CSMD1: variants seen among roughly 807,000 people sequenced by gnomAD.
CSMD1 encodes CUB and Sushi multiple domains 1, also known as CUB and sushi domain-containing protein 1.
In CSMD1, 213 loss-of-function variants were observed where a neutral mutation model predicts 417.5. That is an observed-to-expected ratio of 0.51 (90% CI 0.46 to 0.57). The LOEUF is 0.57. Ranked by LOEUF, CSMD1 falls within the 20% of genes least tolerant of loss-of-function variation. The pLI, the probability that CSMD1 is intolerant of heterozygous loss-of-function variation, is 0.00. For synonymous variants in CSMD1, 2,862 were observed against 1,736.8 expected, an observed-to-expected ratio of 1.65 and a Z score of -16.11; for missense variants, 6,923 against 4,529.7, an observed-to-expected ratio of 1.53 and a Z score of -15.17.
At chr8:4,271,200 A>C (rs1563366620) in intron 3 of CSMD1, among the ~76,000 whole-genome samples, 1 of 152,104 alleles carries the variant, frequency 6.6e-6, no homozygotes, top group Non-Finnish European at 1.5e-5. Flanking sequence ...ATAGATGTAA[A>C]CATATATATA....
chr8:4,834,619 G>T (rs1800348945), intron 1 of CSMD1, among the ~76,000 whole-genome samples: 1 of 151,996 alleles, frequency 6.6e-6, no homozygotes, highest in African/African-American at 2.4e-5. Context: ...GATAAAGAAT[G>T]GCAGAGGAAG....
chr8:3,537,967 G>C (rs534093597), intron 10 of CSMD1, among the ~76,000 whole-genome samples: 1 of 152,116 alleles, frequency 6.6e-6, no homozygotes, highest in African/African-American at 2.4e-5. Context: ...TCAGGGTATC[G>C]TTTATTCTTC....
intron 3 of CSMD1, among the ~76,000 whole-genome samples, chr8:4,194,209 C>G (rs73658460): frequency 0.028 from 4,331 of 152,206 alleles, 237 homozygotes; most frequent in African/African-American, 0.098. Flanking sequence ...TACTAAATTT[C>G]TTTCGTCCAG....
At chr8:3,338,206 G>T (rs909339972) in intron 23 of CSMD1, among the ~76,000 whole-genome samples, 1 of 152,104 alleles carries the variant, frequency 6.6e-6, no homozygotes, top group Admixed American at 6.5e-5. Context: ...TGAACCACAC[G>T]TGTATGCCTG....
intron 3 of CSMD1, among the ~76,000 whole-genome samples, chr8:4,044,268 T>A (rs371304730): frequency 1.3e-5 from 2 of 152,072 alleles, no homozygotes; most frequent in African/African-American, 2.4e-5. Context: ...AATTAAAAAA[T>A]ATAAAAATGG....
chr8:3,685,523 A>C (rs1227217270), intron 7 of CSMD1, among the ~76,000 whole-genome samples: 1 of 152,152 alleles, frequency 6.6e-6, no homozygotes, highest in Non-Finnish European at 1.5e-5. Context: ...TACTAAAATT[A>C]GGGGTTTATA....
chr8:3,597,725 G>C (rs1038457664), intron 8 of CSMD1, among the ~76,000 whole-genome samples: 1 of 152,034 alleles, frequency 6.6e-6, no homozygotes, highest in African/African-American at 2.4e-5. Flanking sequence ...TCTCAGCAAA[G>C]TAACACAAGA....
At chr8:4,043,210 G>C (rs763083587) in intron 3 of CSMD1, among the ~76,000 whole-genome samples, 2 of 152,094 alleles carry the variant, frequency 1.3e-5, no homozygotes, top group Non-Finnish European at 2.9e-5. Context: ...AAAGTCTAAA[G>C]TCACCACTAA....
At chr8:4,188,150 A>C (rs975979860) in intron 3 of CSMD1, among the ~76,000 whole-genome samples, 4 of 152,252 alleles carry the variant, frequency 2.6e-5, no homozygotes, top group African/African-American at 9.6e-5. Context: ...ACACATCCTA[A>C]CGTATTTAAA....
chr8:3,797,964 G>A (rs1015753998), intron 5 of CSMD1, among the ~76,000 whole-genome samples: 2 of 151,930 alleles, frequency 1.3e-5, no homozygotes, highest in African/African-American at 4.8e-5. Flanking sequence ...CTATTTACTG[G>A]CATCTCATTG....
At chr8:3,745,644 C>G (rs1380391812) in intron 6 of CSMD1, among the ~76,000 whole-genome samples, 1 of 152,162 alleles carries the variant, frequency 6.6e-6, no homozygotes, top group Non-Finnish European at 1.5e-5. Context: ...AAGCATTTGT[C>G]TTTTCACAAG....
intron 1 of CSMD1, among the ~76,000 whole-genome samples, chr8:4,924,221 G>C (rs1390330782): frequency 6.6e-6 from 1 of 152,148 alleles, no homozygotes; most frequent in Non-Finnish European, 1.5e-5. Context: ...TTATGATCAT[G>C]TAAGTTTTAT....
intron 30 of CSMD1, among the ~76,000 whole-genome samples, chr8:3,207,651 C>G (rs188608539): frequency 2.0e-5 from 3 of 152,038 alleles, no homozygotes; most frequent in South Asian, 2.1e-4. Context: ...GCATTACAAT[C>G]GCTTGAAAAA....
intron 3 of CSMD1, among the ~76,000 whole-genome samples, chr8:4,105,179 G>A (rs1390351442): frequency 6.6e-6 from 1 of 152,104 alleles, no homozygotes; most frequent in African/African-American, 2.4e-5. Flanking sequence ...TTCCATGGAT[G>A]CCATACATCC....
At chr8:3,888,023 AAATT>A (rs1280351627) in intron 5 of CSMD1, among the ~76,000 whole-genome samples, 28 of 152,322 alleles carry the variant, frequency 1.8e-4, no homozygotes, top group African/African-American at 5.3e-4. Flanking sequence ...TCTGGCAGAG[AAATT>A]AATTAAACGT....
chr8:3,534,875 G>C (rs1157672062), intron 10 of CSMD1, among the ~76,000 whole-genome samples: 2 of 152,166 alleles, frequency 1.3e-5, no homozygotes, highest in African/African-American at 2.4e-5. Flanking sequence ...AACCATCTGG[G>C]AGCTACTTGG....
At chr8:4,447,572 G>T (rs557452555) in intron 2 of CSMD1, among the ~76,000 whole-genome samples, 3 of 152,162 alleles carry the variant, frequency 2.0e-5, no homozygotes, top group Non-Finnish European at 4.4e-5. Flanking sequence ...AAATACCAAT[G>T]CTCTGTCAAC....
chr8:3,166,315 G>C (rs1256675216), intron 37 of CSMD1, among the ~76,000 whole-genome samples: 1 of 152,142 alleles, frequency 6.6e-6, no homozygotes, highest in Non-Finnish European at 1.5e-5. Context: ...CAGATCACCT[G>C]AGGTCAGGTG....
chr8:4,565,603 C>T (rs942992440), intron 2 of CSMD1, among the ~76,000 whole-genome samples: 5 of 151,700 alleles, frequency 3.3e-5, no homozygotes, highest in African/African-American at 4.8e-5. Flanking sequence ...GGTGTGCTTA[C>T]AGGCACCTGT....
Sources: allele counts gnomAD v4.1 joint callset (sites outside exome capture counted in the v4.1 genomes callset), GRCh38; gene constraint gnomAD v4.1.1; transcripts MANE v1.5; gene names NCBI Gene and HGNC (gene_info 2026-07-23, HGNC 2026-07-21).